The following ANKRD30B variants were observed in gnomAD, a reference collection of about 807,000 sequenced individuals.
ANKRD30B encodes the protein ankyrin repeat domain 30B.
In ANKRD30B, 144 loss-of-function variants were observed where a neutral mutation model predicts 202.2. That is an observed-to-expected ratio of 0.71 (90% CI 0.62 to 0.82). The LOEUF (loss-of-function observed/expected upper bound fraction) is 0.82. Among genes scored for constraint, ANKRD30B ranks in the 40% least tolerant of loss-of-function variants. The pLI is 0.00. For missense variants in ANKRD30B, 1,487 were observed against 1,669.1 expected, an observed-to-expected ratio of 0.89 and a Z score of 1.90; for synonymous variants, 508 against 561.3, an observed-to-expected ratio of 0.91 and a Z score of 1.34.
At chr18:14,798,051 C>A (rs540854855) in intron 20 of ANKRD30B, among the ~76,000 whole-genome samples, 197 bp downstream of exon 20, 2 of 152,210 alleles carry the variant, frequency 1.3e-5, no homozygotes, top group South Asian at 2.1e-4. Context: ...AAAAATTCAG[C>A]TTTGCCTCAT....
At chr18:14,929,247 C>T in the ANKRD30B span, among the ~76,000 whole-genome samples, 1 of 152,194 alleles carries the variant, frequency 6.6e-6, no homozygotes, top group African/African-American at 2.4e-5. Context: ...CTTCATTCTC[C>T]ATCAGGTGAA....
chr18:14,763,925 G>T lies in ANKRD30B; in HGVS notation c.1060G>T (p.Ala354Ser), dbSNP rs1247306572. 1 of 1,610,212 alleles carries T rather than the reference G, an allele frequency of 6.2e-7. No homozygotes were observed. Among genetic ancestry groups the T allele is most frequent in the Non-Finnish European group, 8.5e-7 (1 of 1,178,026 alleles). ...KETSEKFSWPAKERSRKITWE... is the reference protein window; with the variant it reads ...KETSEKFSWPSKERSRKITWE... Reference sequence around the variant, plus strand: ...AACATCTGAGAAATTTTCATGGCCAGCAAAAGAAAGATCTAGGAAGATCAC... The same window carrying T: ...AACATCTGAGAAATTTTCATGGCCATCAAAAGAAAGATCTAGGAAGATCAC... The change falls in exon 7 of 44, where the codon GCA (alanine) becomes TCA (serine). Residue 354 changes from alanine (A) to serine (S), a missense_variant. Transcript: ENST00000690538.
rs926489918 is a variant in ANKRD30B, at chr18:14,788,685, A to G, written c.1734+1585A>G. 4.7e-4 allele frequency among the ~76,000 whole-genome samples: 71 copies of G among 151,852 alleles called. 3 individuals are homozygous for G. The highest frequency in any genetic ancestry group is 1.3e-4 in the Non-Finnish European group (9 of 67,980). On this transcript the variant is annotated intron_variant, in intron 15 of 43. Coordinates refer to ENST00000690538, the MANE Select transcript of ANKRD30B (RefSeq NM_001367607.2). Reference sequence around the variant, plus strand: ...TTGCAATAGTTTACTGAGAATGATGATTTCCAATTTCATCCATGTCCCTAC... The same window carrying G: ...TTGCAATAGTTTACTGAGAATGATGGTTTCCAATTTCATCCATGTCCCTAC...
chr18:14,859,202 C>A (rs1394021197), downstream of ANKRD30B, among the ~76,000 whole-genome samples: 2 of 84,482 alleles, frequency 2.4e-5, no homozygotes, highest in Non-Finnish European at 4.8e-5. Context: ...CTCCTCACCT[C>A]CCAGATGATG....
At chr18:14,856,082 G>A (rs376964502), downstream of ANKRD30B, among the ~76,000 whole-genome samples, 24 of 141,076 alleles carry the variant, frequency 1.7e-4, 1 homozygote, top group East Asian at 4.0e-3. Flanking sequence ...CCTAGATGGG[G>A]TGGCCGGGCA....
the ANKRD30B span, among the ~76,000 whole-genome samples, chr18:14,923,231 T>G: frequency 6.6e-6 from 1 of 152,136 alleles, no homozygotes; most frequent in African/African-American, 2.4e-5. Flanking sequence ...AGGCCTTGGC[T>G]CTTGGATGGC....
chr18:14,873,166 T>G, the ANKRD30B span, among the ~76,000 whole-genome samples: 1 of 152,198 alleles, frequency 6.6e-6, no homozygotes, highest in African/African-American at 2.4e-5. Flanking sequence ...AGGGAAGACT[T>G]CACTTTGTTA....
chr18:14,834,097 G>A (rs1168127951), intron 34 of ANKRD30B, among the ~76,000 whole-genome samples: 1 of 152,024 alleles, frequency 6.6e-6, no homozygotes, highest in Non-Finnish European at 1.5e-5. Context: ...TTGCCACACA[G>A]AATAGAAACA....
intron 26 of ANKRD30B, among the ~76,000 whole-genome samples, chr18:14,809,349 A>G (rs556775154): frequency 1.3e-5 from 2 of 151,206 alleles, no homozygotes; most frequent in South Asian, 4.2e-4. Flanking sequence ...TTAGCAAGAT[A>G]TTAATCAGCA....
intron 1 of ANKRD30B, among the ~76,000 whole-genome samples, chr18:14,752,340 T>C (rs1453399618): frequency 6.6e-6 from 1 of 152,184 alleles, no homozygotes; most frequent in East Asian, 1.9e-4. Flanking sequence ...CAAGCTCAAG[T>C]TGAACTGAAT....
At chr18:14,775,012 A>C (rs1967266039) in intron 9 of ANKRD30B, among the ~76,000 whole-genome samples, 1 of 152,168 alleles carries the variant, frequency 6.6e-6, no homozygotes, top group South Asian at 2.1e-4. Flanking sequence ...CTGTAGTCCC[A>C]GCTACTCGGG....
intron 16 of ANKRD30B, among the ~76,000 whole-genome samples, chr18:14,795,488 C>T (rs1299787605): frequency 1.3e-5 from 2 of 152,184 alleles, no homozygotes; most frequent in Admixed American, 1.3e-4. Flanking sequence ...TGAGCCATGC[C>T]ACCTGGACTG....
At chr18:14,912,174 G>A in the ANKRD30B span, among the ~76,000 whole-genome samples, 19 of 152,182 alleles carry the variant, frequency 1.2e-4, no homozygotes, top group Non-Finnish European at 2.4e-4. Context: ...AGTGATCAAA[G>A]TGGGCATCCT....
At chr18:14,791,528 A>T in intron 16 of ANKRD30B, 37 bp downstream of exon 16, 1 of 1,508,090 alleles carries the variant, frequency 6.6e-7, no homozygotes, top group Non-Finnish European at 9.1e-7. Flanking sequence ...TCATTTGACC[A>T]AATATTTATC....
intron 5 of ANKRD30B, among the ~76,000 whole-genome samples, chr18:14,758,527 A>G (rs1039427359): frequency 1.3e-5 from 2 of 152,164 alleles, no homozygotes; most frequent in Non-Finnish European, 2.9e-5. Flanking sequence ...TGATCCATAT[A>G]TAGACTTCAA....
the ANKRD30B span, among the ~76,000 whole-genome samples, chr18:14,874,472 C>T: frequency 1.3e-3 from 204 of 152,260 alleles, 6 homozygotes; most frequent in South Asian, 0.039. Flanking sequence ...AAGTGTAATA[C>T]AATTTGTATG....
Position 14,752,992 on chromosome 18 carries a change from G to A in ANKRD30B, c.490G>A (p.Val164Ile), listed in dbSNP as rs1217486578. The change falls in exon 3 of 44, where the codon GTC (valine) becomes ATC (isoleucine). Residue 164 changes from valine to isoleucine, a missense_variant. Physicochemically the swap from Val to Ile is conservative, Grantham distance 29 (BLOSUM62 3). This residue lies in a region of ANKRD30B where 889 missense variants were observed against 841.4 expected (regional missense o/e 1.06). Transcript: ENST00000690538. ...GGCAACACTGCTGTCCTATGGTGCA[G>A]TCATCGAGGTGCAAAACAAGGTAGA... ...MVATLLSYGA[V>I]IEVQNKASLT... 1 of 1,596,246 alleles carries A rather than the reference G, an allele frequency of 6.3e-7. No homozygotes were observed. Among genetic ancestry groups the A allele is most frequent in the Non-Finnish European group, 8.5e-7 (1 of 1,171,848 alleles).
intron 7 of ANKRD30B, among the ~76,000 whole-genome samples, chr18:14,767,128 T>G (rs1916361700): frequency 6.6e-6 from 1 of 152,182 alleles, no homozygotes; most frequent in African/African-American, 2.4e-5. Context: ...TCCAGAATTG[T>G]CAAAACCTAA....
At position 14,755,936 on chromosome 18, in the gene ANKRD30B, G is replaced by A. The variant is rs1024323523; in HGVS notation, c.617+931G>A. On this transcript the variant is annotated intron_variant, in intron 4 of 43. Transcript: ENST00000690538. ...ATATACCCAGTAATGGGATGGCTGG[G>A]TCAAATGGTATTTCTAGTTCTAGAT... Among the ~76,000 whole-genome samples, 233 of 152,252 alleles carry A rather than the reference G, an allele frequency of 1.5e-3. 1 individual carries two copies. Among genetic ancestry groups the A allele is most frequent in the Non-Finnish European group, 2.0e-3 (134 of 68,024 alleles).
Sources: gnomAD v4.1 joint callset for allele counts (sites outside exome capture counted in the v4.1 genomes callset) on GRCh38, gnomAD v4.1.1 for gene constraint, gnomAD v4.1.1 regional missense constraint, MANE v1.5 for transcripts, NCBI Gene and HGNC (gene_info 2026-07-23, HGNC 2026-07-21) for gene names.